The following DAB1 variants were observed in gnomAD, a reference collection of about 807,000 sequenced individuals.
The protein encoded by DAB1 is disabled homolog 1.
In DAB1, 15 loss-of-function variants were observed where a neutral mutation model predicts 64.6. That is an observed-to-expected ratio of 0.23 (90% CI 0.16 to 0.36). The LOEUF is 0.36. Among genes scored for constraint, DAB1 ranks in the 10% least tolerant of loss-of-function variants. DAB1 has a pLI of 1.00. For missense variants in DAB1, 596 were observed against 706.7 expected, an observed-to-expected ratio of 0.84 and a Z score of 1.78; for synonymous variants, 235 against 251.9, an observed-to-expected ratio of 0.93 and a Z score of 0.64.
chr1:57,722,172 T>A (rs1361501045), intron 6 of DAB1, among the ~76,000 whole-genome samples: 1 of 151,536 alleles, frequency 6.6e-6, no homozygotes, highest in African/African-American at 2.4e-5. Flanking sequence ...TCACACTTTA[T>A]GTAAAGCAAT....
intron 5 of DAB1, among the ~76,000 whole-genome samples, chr1:57,992,661 G>A (rs1646363036): frequency 1.3e-5 from 2 of 152,072 alleles, no homozygotes; most frequent in Admixed American, 1.3e-4. Context: ...TCTGGGTCCT[G>A]TCCTAACTGA....
chr1:57,890,297 C>T (rs1202829), intron 5 of DAB1, among the ~76,000 whole-genome samples: 26,298 of 151,982 alleles, frequency 0.17, 2,680 homozygotes, highest in Admixed American at 0.27. Context: ...TAATCAGGAA[C>T]GTGCATGTGG....
chr1:57,920,386 C>T (rs944731524), intron 5 of DAB1, among the ~76,000 whole-genome samples: 1 of 152,108 alleles, frequency 6.6e-6, no homozygotes, highest in Non-Finnish European at 1.5e-5. Flanking sequence ...GAACATGGCT[C>T]ACTGCAGCCT....
Position 57,479,876 on chromosome 1 carries a change from G to A in DAB1, n.625+169716C>T, listed in dbSNP as rs866920993. Among the ~76,000 whole-genome samples, 6 of 152,210 alleles carry A rather than the reference G, an allele frequency of 3.9e-5. No individual in the cohort carries two copies. The Middle Eastern group carries it at 0.01, about 259-fold the overall frequency. On this transcript the variant is annotated intron_variant and non_coding_transcript_variant, in intron 7 of 20. Transcript: ENST00000485760. ...CAAGAGAAAGACAAAGCCAGGGGCC[G>A]GGCGCGGTGGCTCATGCCTGTAATC... is the stretch of plus-strand genomic sequence containing the variant.
intron 6 of DAB1, among the ~76,000 whole-genome samples, chr1:57,774,674 T>C (rs1367879616): frequency 6.6e-6 from 1 of 151,828 alleles, no homozygotes; most frequent in East Asian, 1.9e-4. Context: ...TGTATTGTTT[T>C]TCTTCTTCAT....
At chr1:58,189,736 T>A (rs901935825) in intron 4 of DAB1, among the ~76,000 whole-genome samples, 1 of 152,196 alleles carries the variant, frequency 6.6e-6, no homozygotes, top group African/African-American at 2.4e-5. Flanking sequence ...CAACATGTAT[T>A]TTCAATGTGG....
intron 4 of DAB1, among the ~76,000 whole-genome samples, chr1:58,218,417 G>A (rs1191800092): frequency 1.3e-5 from 2 of 152,142 alleles, no homozygotes; most frequent in African/African-American, 2.4e-5. Flanking sequence ...TTCCAGCTTT[G>A]GGGAGCAGAA....
intron 2 of DAB1, among the ~76,000 whole-genome samples, chr1:57,226,672 A>AAAAAAAAAATATATATATATATATATAT (rs747021990): frequency 2.2e-5 from 3 of 136,014 alleles, no homozygotes; most frequent in African/African-American, 9.3e-5. Flanking sequence ...TTAAAAAAAA[A>AAAAAAAAAATATATATATATATATATAT]ATATATATAT....
chr1:57,218,958 G>C (rs1404908826), intron 2 of DAB1, among the ~76,000 whole-genome samples: 1 of 152,126 alleles, frequency 6.6e-6, no homozygotes, highest in African/African-American at 2.4e-5. Flanking sequence ...ACAGGGGGAA[G>C]ATAAAGCTTT....
At chr1:58,081,820 C>T (rs1420971948) in intron 5 of DAB1, among the ~76,000 whole-genome samples, 3 of 151,700 alleles carry the variant, frequency 2.0e-5, no homozygotes, top group African/African-American at 4.8e-5. Flanking sequence ...CTTTTTTTTC[C>T]CCCACTTGAA....
chr1:58,015,697 T>A (rs1223793073), intron 5 of DAB1, among the ~76,000 whole-genome samples: 2 of 152,220 alleles, frequency 1.3e-5, no homozygotes, highest in Non-Finnish European at 2.9e-5. Flanking sequence ...GGGATGCTTA[T>A]TTAAAATCTA....
intron 4 of DAB1, among the ~76,000 whole-genome samples, chr1:58,227,990 A>G (rs1659579331): frequency 6.6e-6 from 1 of 152,232 alleles, no homozygotes; most frequent in South Asian, 2.1e-4. Context: ...TGCTTTAAAA[A>G]CAGACCAAGA....
chr1:57,606,112 T>G, intron 7 of DAB1: 3 of 451,064 alleles, frequency 6.7e-6, no homozygotes, highest in Non-Finnish European at 1.3e-5. Flanking sequence ...TACCATCTCC[T>G]GGGATTTTAC....
chr1:56,998,734 T>A (rs578194234), intron 14 of DAB1, among the ~76,000 whole-genome samples: 55 of 152,306 alleles, frequency 3.6e-4, no homozygotes, highest in African/African-American at 1.0e-3. Flanking sequence ...ATCACAAACT[T>A]CTGGACTTGT....
At chr1:57,670,597 T>C (rs900822375) in intron 6 of DAB1, among the ~76,000 whole-genome samples, 4 of 152,142 alleles carry the variant, frequency 2.6e-5, no homozygotes, top group African/African-American at 7.2e-5. Flanking sequence ...TCAGTGGTAA[T>C]GCTGGCTAAC....
intron 3 of DAB1, chr1:58,480,654 G>A (rs561185882): frequency 9.5e-5 from 19 of 199,212 alleles, no homozygotes; most frequent in South Asian, 4.2e-4. Context: ...AAAAACTACC[G>A]TATGGGCTCA....
intron 4 of DAB1, among the ~76,000 whole-genome samples, chr1:57,121,205 A>G (rs1268443739): frequency 3.4e-5 from 5 of 147,228 alleles, no homozygotes; most frequent in East Asian, 4.1e-4. Context: ...GGAGAAGGAG[A>G]AGAAGGAGAA....
chr1:57,269,535 G>A (rs1670832105), intron 2 of DAB1, among the ~76,000 whole-genome samples: 2 of 152,102 alleles, frequency 1.3e-5, no homozygotes, highest in South Asian at 4.1e-4. Context: ...GTGGTTCAAT[G>A]AGGCCCTACG....
At chr1:57,532,532 C>T (rs749059572) in intron 7 of DAB1, among the ~76,000 whole-genome samples, 1 of 152,286 alleles carries the variant, frequency 6.6e-6, no homozygotes, top group African/African-American at 2.4e-5. Context: ...TGTGACTGGT[C>T]CAAAGCAAAG....
Sources: allele counts gnomAD v4.1 joint callset (sites outside exome capture counted in the v4.1 genomes callset), GRCh38; gene constraint gnomAD v4.1.1; transcripts MANE v1.5; gene names NCBI Gene and HGNC (gene_info 2026-07-23, HGNC 2026-07-21).